Variants in SNAPC1 observed in about 807,000 individuals in gnomAD.
SNAPC1 encodes snRNA-activating protein complex subunit 1.
Under a neutral mutation model 50.1 loss-of-function variants are expected in SNAPC1, and 42 were observed. The ratio of observed to expected loss-of-function variants is 0.84; its 90% CI spans 0.65 to 1.08. SNAPC1 has a LOEUF of 1.08. Among genes scored for constraint, SNAPC1 ranks in the 50% least tolerant of loss-of-function variants. The probability of loss-of-function intolerance (pLI) is 0.00; values close to 1 mark genes in which losing one functional copy is unlikely to be tolerated. For missense variants in SNAPC1, 477 were observed against 427.3 expected (o/e 1.12, Z -1.02); for synonymous variants, 164 against 144.2 (o/e 1.14, Z -0.98).
At chr14:61,781,917 C>T (rs565780451) in intron 7 of SNAPC1, among the ~76,000 whole-genome samples, 104 of 152,278 alleles carry the variant, frequency 6.8e-4, no homozygotes, top group African/African-American at 2.5e-3. Flanking sequence ...ACTTGGAATG[C>T]GTGGTAGTGC....
intron 8 of SNAPC1, among the ~76,000 whole-genome samples, chr14:61,783,931 A>C: frequency 6.6e-6 from 1 of 152,206 alleles, no homozygotes. Context: ...GTGAGAAAAA[A>C]AGGAGCGTTA....
At chr14:61,768,978 A>G (rs536862351) in intron 4 of SNAPC1, among the ~76,000 whole-genome samples, 1 of 152,320 alleles carries the variant, frequency 6.6e-6, no homozygotes, top group Non-Finnish European at 1.5e-5. Context: ...AGATGTGTGG[A>G]TTCTGTTACT....
intron 1 of SNAPC1, among the ~76,000 whole-genome samples, chr14:61,765,404 C>T (rs2044939691): frequency 6.6e-6 from 1 of 152,156 alleles, no homozygotes. Context: ...GGTCAGGGCA[C>T]AGCTTGGTTT....
intron 1 of SNAPC1, 137 bp from the exon 2 acceptor site, chr14:61,766,739 G>A (rs1331657936): frequency 4.0e-6 from 2 of 497,912 alleles, no homozygotes; most frequent in Non-Finnish European, 7.0e-6. Context: ...TTATCTCTTT[G>A]TGCTTGAATC....
intron 1 of SNAPC1, among the ~76,000 whole-genome samples, chr14:61,764,142 C>T (rs2044930172): frequency 6.6e-6 from 1 of 152,170 alleles, no homozygotes; most frequent in Non-Finnish European, 1.5e-5. Context: ...CCATGTTGGC[C>T]AGGCTGGTCA....
chr14:61,792,107 G>GGA (rs566359639), intron 8 of SNAPC1, among the ~76,000 whole-genome samples: 1 of 114,336 alleles, frequency 8.7e-6, no homozygotes, highest in Non-Finnish European at 1.9e-5. Context: ...CATTAAAAAA[G>GGA]AAAAAAAAAA....
chr14:61,767,261 A>G lies in SNAPC1; in HGVS notation c.338A>G (p.Asp113Gly), dbSNP rs1179765121. 3 of 1,524,872 alleles carry G rather than the reference A, an allele frequency of 2.0e-6. No homozygotes were observed. Among genetic ancestry groups the G allele is most frequent in the South Asian group, 1.3e-5 (1 of 74,718 alleles). 94.5% of individuals were successfully genotyped at this position (1,524,872 alleles called of 1,614,324 possible). A position where few individuals can be genotyped will look rare whatever the true frequency, so the allele number is the denominator to read the frequency against. ...DWDEVLKFQQ[D>G]LVNAQHFDAA... is the part of the protein sequence containing the mutation. ...GATGAAGTTTTAAAATTTCAGCAAG[A>G]TTTAGTAAATGCACAGCATTTTGAT... is the stretch of plus-strand genomic sequence containing the variant. The change falls in exon 3 of 10, where the codon GAT becomes GGT. Residue 113 changes from aspartate to glycine, a missense_variant. Physicochemically the swap from Asp to Gly is moderately conservative, Grantham distance 94. Coordinates refer to ENST00000216294, the MANE Select transcript of SNAPC1 (RefSeq NM_003082.4).
chr14:61,773,529 G>A (rs578140513), intron 4 of SNAPC1, among the ~76,000 whole-genome samples: 14 of 150,888 alleles, frequency 9.3e-5, no homozygotes, highest in Admixed American at 6.6e-4. Flanking sequence ...TGAGTAGATG[G>A]GACCACAGGC....
rs149925762 is a variant in SNAPC1, at chr14:61,792,215, G to A, written c.977-592G>A. Among the ~76,000 whole-genome samples the A allele has an allele frequency of 3.4e-3, 512 of 152,288 alleles. 7 individuals carry two copies. The highest frequency in any genetic ancestry group is 0.012 in the African/African-American group (489 of 41,562). On this transcript the variant is annotated intron_variant, in intron 8 of 9. Coordinates refer to ENST00000216294, the MANE Select transcript of SNAPC1 (RefSeq NM_003082.4). ...TTTATGGGGGTTGCTTTTGGGACATGGAAATTGTGTGCTAAATGGTACTTG... is the reference window on the plus strand; with the variant it reads ...TTTATGGGGGTTGCTTTTGGGACATAGAAATTGTGTGCTAAATGGTACTTG...
chr14:61,793,965 C>T (rs2045170830), intron 9 of SNAPC1, among the ~76,000 whole-genome samples: 1 of 151,986 alleles, frequency 6.6e-6, no homozygotes, highest in South Asian at 2.1e-4. Context: ...CGGAATATTT[C>T]TTTTTGCCAC....
chr14:61,783,259 G>C (rs1295461965), intron 8 of SNAPC1, among the ~76,000 whole-genome samples: 3 of 151,656 alleles, frequency 2.0e-5, no homozygotes, highest in Admixed American at 6.6e-5. Flanking sequence ...TTGGACTCCT[G>C]ACCTCAGGTG....
Position 61,773,223 on chromosome 14 carries a change from T to C in SNAPC1, c.535-2872T>C, listed in dbSNP as rs552126565. ...GACTTCTAATTCTAGCCCGCTGCTA[T>C]GTAAGTAGGACCTTGAGCAAATTAT... On this transcript the variant is annotated intron_variant, in intron 4 of 9. Transcript: ENST00000216294. Among the ~76,000 whole-genome samples, 12 of 152,292 alleles carry C rather than the reference T, an allele frequency of 7.9e-5. 1 individual carries two copies. The highest frequency in any genetic ancestry group is 6.8e-3 in the Middle Eastern group (2 of 294).
chr14:61,765,294 T>C (rs2044938763), intron 1 of SNAPC1, among the ~76,000 whole-genome samples: 1 of 152,208 alleles, frequency 6.6e-6, no homozygotes, highest in Non-Finnish European at 1.5e-5. Flanking sequence ...CCTCGAAAAT[T>C]TGAGACACGT....
At chr14:61,779,032 A>T (rs2045053879) in intron 7 of SNAPC1, 122 bp downstream of exon 7, 2 of 591,684 alleles carry the variant, frequency 3.4e-6, no homozygotes, top group African/African-American at 2.0e-5. Context: ...TAGAGAGATT[A>T]TATAGCACAA....
intron 3 of SNAPC1, 108 bp downstream of exon 3, chr14:61,767,460 G>A: frequency 4.7e-6 from 3 of 639,520 alleles, no homozygotes. Flanking sequence ...TAGTGTTCAA[G>A]ACTTTTAGCT....
chr14:61,778,637 A>G (rs575892464), intron 6 of SNAPC1, among the ~76,000 whole-genome samples: 1 of 152,170 alleles, frequency 6.6e-6, no homozygotes, highest in Non-Finnish European at 1.5e-5. Context: ...ATCTCTAACT[A>G]TGGGGATGGT....
intron 4 of SNAPC1, among the ~76,000 whole-genome samples, chr14:61,770,355 G>GAT (rs2044979010): frequency 6.6e-6 from 1 of 150,970 alleles, no homozygotes; most frequent in African/African-American, 2.4e-5. Context: ...TGATTCTTGT[G>GAT]TCTCAACCCA....
In SNAPC1 at chr14:61,782,281, T is replaced by C; in HGVS notation, c.860T>C (p.Leu287Pro). The C allele has an allele frequency of 1.9e-6, 3 of 1,607,690 alleles. No individual in the cohort carries two copies. The highest frequency in any genetic ancestry group is 2.5e-6 in the Non-Finnish European group (3 of 1,178,046). ...SKSRRHRQVK[L>P]DSSDSDSASG... The stretch of plus-strand genomic sequence containing the variant: ...TCAAGAAGGCATCGTCAAGTCAAAC[T>C]CGACTCTTCTGACTCTGATTCTGCA... Residue 287 changes from leucine (L) to proline (P), a missense_variant, in exon 8 of 10, where the codon CTC (leucine) becomes CCC (proline). By Grantham distance (98) the Leu-to-Pro change is moderately conservative. Coordinates refer to ENST00000216294, the MANE Select transcript of SNAPC1 (RefSeq NM_003082.4).
intron 1 of SNAPC1, among the ~76,000 whole-genome samples, chr14:61,764,674 TGGG>T (rs1267167944): frequency 2.6e-5 from 4 of 152,114 alleles, no homozygotes; most frequent in Non-Finnish European, 5.9e-5. Flanking sequence ...TACCACTTCT[TGGG>T]GGGAAAAATG....
Sources: gnomAD v4.1 joint callset for allele counts (sites outside exome capture counted in the v4.1 genomes callset) on GRCh38, gnomAD v4.1.1 for gene constraint, MANE v1.5 for transcripts, NCBI Gene and HGNC (gene_info 2026-07-23, HGNC 2026-07-21) for gene names.